The following DAB1 variants were observed in gnomAD, a reference collection of about 807,000 sequenced individuals.
The protein encoded by DAB1 is DAB adaptor protein 1.
A neutral mutation model predicts 64.6 loss-of-function variants in DAB1; 15 were observed. The ratio of observed to expected loss-of-function variants is 0.23; its 90% CI spans 0.16 to 0.36. The LOEUF is 0.36. Among genes scored for constraint, DAB1 ranks in the 10% least tolerant of loss-of-function variants. DAB1 has a pLI of 1.00. For synonymous variants in DAB1, 235 were observed against 251.9 expected, an observed-to-expected ratio of 0.93 and a Z score of 0.64; for missense variants, 596 against 706.7, an observed-to-expected ratio of 0.84 and a Z score of 1.78.
At chr1:57,612,562 G>A (rs757268166) in intron 7 of DAB1, among the ~76,000 whole-genome samples, 4 of 152,156 alleles carry the variant, frequency 2.6e-5, no homozygotes, top group South Asian at 2.1e-4. Flanking sequence ...AAGAGGCCAC[G>A]GGTCAAGGAA....
At chr1:58,119,499 G>A (rs1172424082) in intron 5 of DAB1, among the ~76,000 whole-genome samples, 3 of 152,018 alleles carry the variant, frequency 2.0e-5, no homozygotes, top group Admixed American at 6.6e-5. Flanking sequence ...TCTAAATTTC[G>A]GACACACATC....
At chr1:57,758,214 A>T (rs975409403) in intron 6 of DAB1, among the ~76,000 whole-genome samples, 1 of 152,234 alleles carries the variant, frequency 6.6e-6, no homozygotes, top group African/African-American at 2.4e-5. Context: ...GGTACTTTTA[A>T]TACATCTCAT....
chr1:57,869,507 A>C (rs1654445161), intron 1 of DAB1, among the ~76,000 whole-genome samples: 1 of 152,150 alleles, frequency 6.6e-6, no homozygotes, highest in East Asian at 1.9e-4. Flanking sequence ...GAGGAGAAGA[A>C]GCCTACTCTG....
At chr1:58,365,968 G>C (rs937531710) in intron 3 of DAB1, among the ~76,000 whole-genome samples, 3 of 152,116 alleles carry the variant, frequency 2.0e-5, no homozygotes, top group African/African-American at 7.2e-5. Context: ...CGGGCAACGA[G>C]AACCCCATCA....
intron 5 of DAB1, among the ~76,000 whole-genome samples, chr1:58,077,660 C>T (rs1649738007): frequency 6.6e-6 from 1 of 152,186 alleles, no homozygotes; most frequent in African/African-American, 2.4e-5. Flanking sequence ...CAATGGGTGC[C>T]CCAGCAGCTA....
intron 3 of DAB1, among the ~76,000 whole-genome samples, chr1:58,353,634 G>A (rs1211610383): frequency 6.6e-6 from 1 of 152,092 alleles, no homozygotes; most frequent in African/African-American, 2.4e-5. Context: ...GATTTTCCAT[G>A]TTTCAATTAG....
chr1:57,152,008 T>C (rs1659725751), intron 2 of DAB1, among the ~76,000 whole-genome samples: 1 of 152,040 alleles, frequency 6.6e-6, no homozygotes, highest in Non-Finnish European at 1.5e-5. Flanking sequence ...GAGATGAGGT[T>C]TCCCCATGTT....
At chr1:57,596,243 A>G (rs1355439745) in intron 7 of DAB1, among the ~76,000 whole-genome samples, 1 of 152,126 alleles carries the variant, frequency 6.6e-6, no homozygotes, top group Non-Finnish European at 1.5e-5. Context: ...TATTGTTAGG[A>G]GGTTTGGCAT....
chr1:57,878,107 T>C (rs1171992577), intron 1 of DAB1, among the ~76,000 whole-genome samples: 1 of 152,174 alleles, frequency 6.6e-6, no homozygotes, highest in Non-Finnish European at 1.5e-5. Context: ...TTTATGTCCA[T>C]ATGTCAATAA....
At chr1:57,431,538 C>A (rs534802950) in intron 7 of DAB1, among the ~76,000 whole-genome samples, 1 of 152,250 alleles carries the variant, frequency 6.6e-6, no homozygotes, top group East Asian at 1.9e-4. Context: ...TTGATTCCAG[C>A]GAAAGGTTGT....
intron 5 of DAB1, among the ~76,000 whole-genome samples, chr1:57,901,298 C>A (rs141471661): frequency 6.6e-6 from 1 of 152,070 alleles, no homozygotes; most frequent in African/African-American, 2.4e-5. Flanking sequence ...AATTAATAAC[C>A]GCAGAAAGCA....
intron 5 of DAB1, among the ~76,000 whole-genome samples, chr1:57,997,329 A>C (rs1228168485): frequency 1.3e-5 from 2 of 152,224 alleles, no homozygotes; most frequent in African/African-American, 4.8e-5. Context: ...GCCACTGCAC[A>C]TGCAGAAAGC....
At chr1:58,257,576 A>G (rs590047) in intron 4 of DAB1, among the ~76,000 whole-genome samples, 105,747 of 152,172 alleles carry the variant, frequency 0.69, 38,358 homozygotes, top group African/African-American at 0.9. Flanking sequence ...ATCATTTATG[A>G]TGTGTGTTGG....
intron 5 of DAB1, among the ~76,000 whole-genome samples, chr1:58,068,338 T>C (rs924132345): frequency 9.2e-5 from 14 of 152,234 alleles, no homozygotes; most frequent in Non-Finnish European, 2.1e-4. Context: ...TTTTCTTTCT[T>C]TAATTCACCT....
intron 4 of DAB1, 40 bp downstream of exon 4, chr1:57,136,503 T>C (rs753445475): frequency 1.6e-6 from 2 of 1,223,000 alleles, no homozygotes; most frequent in South Asian, 3.4e-5. Context: ...CATCTGTCAA[T>C]GGATAAAATT....
At chr1:57,739,904 T>A (rs943877240) in intron 6 of DAB1, among the ~76,000 whole-genome samples, 2 of 151,934 alleles carry the variant, frequency 1.3e-5, no homozygotes, top group African/African-American at 4.8e-5. Context: ...ATTAAAATAA[T>A]ATATCTTCAG....
intron 1 of DAB1, among the ~76,000 whole-genome samples, chr1:57,297,827 T>G (rs1367813238): frequency 6.6e-6 from 1 of 152,162 alleles, no homozygotes; most frequent in Non-Finnish European, 1.5e-5. Context: ...TTCCCAAGGC[T>G]AGCTGAGTTT....
chr1:57,522,088 C>T (rs11207054), intron 7 of DAB1, among the ~76,000 whole-genome samples: 10,670 of 151,652 alleles, frequency 0.07, 1,161 homozygotes, highest in African/African-American at 0.23. Context: ...CCAGCCTGGG[C>T]GACAGAGCGA....
chr1:57,349,248 T>C (rs1466098480), intron 1 of DAB1, among the ~76,000 whole-genome samples: 1 of 152,186 alleles, frequency 6.6e-6, no homozygotes, highest in African/African-American at 2.4e-5. Flanking sequence ...TGAATTAGGA[T>C]ATTTTCCATC....
Sources: allele counts gnomAD v4.1 joint callset (sites outside exome capture counted in the v4.1 genomes callset), GRCh38; gene constraint gnomAD v4.1.1; transcripts MANE v1.5; gene names NCBI Gene and HGNC (gene_info 2026-07-23, HGNC 2026-07-21).